The following ERBB4 variants were observed in gnomAD, a reference collection of about 807,000 sequenced individuals.
The protein encoded by ERBB4 is receptor tyrosine-protein kinase erbB-4.
A neutral mutation model predicts 158.0 loss-of-function variants in ERBB4; 42 were observed. That is an observed-to-expected ratio of 0.27 (90% CI 0.21 to 0.34). The LOEUF (loss-of-function observed/expected upper bound fraction) is 0.34, where lower values mean the gene tolerates loss of function less well. Ranked by LOEUF, ERBB4 falls within the 10% of genes least tolerant of loss-of-function variation. The pLI is 1.00. For synonymous variants in ERBB4, 583 were observed against 558.7 expected (o/e 1.04, Z -0.61); for missense variants, 1,333 against 1,624.1 (o/e 0.82, Z 3.08).
At chr2:212,029,694 A>C (rs1443948032) in intron 2 of ERBB4, among the ~76,000 whole-genome samples, 1 of 152,148 alleles carries the variant, frequency 6.6e-6, no homozygotes, top group Non-Finnish European at 1.5e-5. Flanking sequence ...TTCATCTCAT[A>C]CAGTCTTCCA....
chr2:211,565,294 A>ACGG (rs1553569627), intron 19 of ERBB4, among the ~76,000 whole-genome samples: 2 of 128,714 alleles, frequency 1.6e-5, no homozygotes, highest in Non-Finnish European at 1.6e-5. Context: ...CTGTGGGAAG[A>ACGG]TGGGACAGAG....
intron 1 of ERBB4, among the ~76,000 whole-genome samples, chr2:212,254,995 C>T (rs529046729): frequency 6.6e-5 from 10 of 152,266 alleles, no homozygotes; most frequent in South Asian, 6.2e-4. Flanking sequence ...CATTATTTCA[C>T]GGGTATAGTG....
intron 2 of ERBB4, among the ~76,000 whole-genome samples, chr2:211,998,916 A>G (rs576497947): frequency 3.3e-5 from 5 of 151,992 alleles, no homozygotes; most frequent in African/African-American, 1.2e-4. Context: ...ATTTTTCTTT[A>G]CTCAATAAGA....
chr2:211,974,440 C>T (rs920471636), intron 2 of ERBB4, among the ~76,000 whole-genome samples: 1 of 152,132 alleles, frequency 6.6e-6, no homozygotes, highest in African/African-American at 2.4e-5. Context: ...CCCTGAGCTC[C>T]TTCCTAAAAC....
chr2:211,633,816 A>G (rs2070243005), intron 16 of ERBB4, among the ~76,000 whole-genome samples: 1 of 151,808 alleles, frequency 6.6e-6, no homozygotes, highest in Non-Finnish European at 1.5e-5. Context: ...ATGTTAGTAG[A>G]AAATATTTGC....
chr2:211,572,088 C>T (rs2067744431), intron 19 of ERBB4, among the ~76,000 whole-genome samples: 1 of 152,086 alleles, frequency 6.6e-6, no homozygotes, highest in South Asian at 2.1e-4. Flanking sequence ...TAGCTCAAAT[C>T]TACATCTTTC....
At chr2:211,517,069 A>G (rs1158535188) in intron 20 of ERBB4, among the ~76,000 whole-genome samples, 2 of 152,110 alleles carry the variant, frequency 1.3e-5, no homozygotes, top group African/African-American at 2.4e-5. Flanking sequence ...GCAAATTACA[A>G]TTTCTCCACT....
intron 2 of ERBB4, among the ~76,000 whole-genome samples, chr2:211,972,066 A>G (rs2081470051): frequency 6.6e-6 from 1 of 152,216 alleles, no homozygotes; most frequent in Non-Finnish European, 1.5e-5. Flanking sequence ...GCAAAGTCTC[A>G]GGATATAAAA....
chr2:212,301,693 C>A (rs1360221999), intron 1 of ERBB4, among the ~76,000 whole-genome samples: 2 of 151,208 alleles, frequency 1.3e-5, no homozygotes, highest in African/African-American at 4.8e-5. Context: ...CTAGGCATTA[C>A]CGTTTGCACA....
chr2:211,465,579 GAC>G (rs753888459), intron 20 of ERBB4, among the ~76,000 whole-genome samples: 16 of 152,028 alleles, frequency 1.1e-4, no homozygotes, highest in Non-Finnish European at 2.1e-4. Context: ...AAGCCTAAAT[GAC>G]AGTTAGTACA....
intron 1 of ERBB4, among the ~76,000 whole-genome samples, chr2:212,197,431 C>G (rs2082460691): frequency 6.6e-6 from 1 of 152,098 alleles, no homozygotes; most frequent in Admixed American, 6.6e-5. Flanking sequence ...CCAGTTTTCT[C>G]ATTTAACCCT....
At chr2:211,610,422 G>T (rs985144443) in intron 19 of ERBB4, among the ~76,000 whole-genome samples, 2 of 152,196 alleles carry the variant, frequency 1.3e-5, no homozygotes, top group East Asian at 3.9e-4. Context: ...AACCATTGAG[G>T]TTTGACATAT....
chr2:211,665,349 G>C lies in ERBB4; in HGVS notation c.1845C>G (p.His615Gln). The change falls in exon 15 of 28, where the codon CAC (histidine) becomes CAG (glutamine). Residue 615 changes from histidine (H) to glutamine (Q), a missense_variant. Transcript: ENST00000342788. ...CTTGGGTGCAGTTTGGATGGCATGG[G>C]TGGCACTCCCGATCTGGATCAGCAT... ...FKYADPDREC[H>Q]PCHPNCTQGC... 2 of 1,614,124 alleles carry C rather than the reference G, an allele frequency of 1.2e-6. No homozygotes were observed. Among genetic ancestry groups the C allele is most frequent in the Non-Finnish European group, 1.7e-6 (2 of 1,180,022 alleles).
At chr2:212,381,078 A>G (rs2106411374) in intron 1 of ERBB4, among the ~76,000 whole-genome samples, 2 of 151,502 alleles carry the variant, frequency 1.3e-5, no homozygotes, top group Admixed American at 1.3e-4. Context: ...ATGTCTTCCC[A>G]CATCACACAA....
At chr2:212,272,816 A>C (rs2085392128) in intron 1 of ERBB4, among the ~76,000 whole-genome samples, 1 of 151,788 alleles carries the variant, frequency 6.6e-6, no homozygotes, top group Non-Finnish European at 1.5e-5. Context: ...ATATGAAATT[A>C]AGAAAAAAAT....
chr2:211,713,834 T>G (rs1328137727), intron 7 of ERBB4, among the ~76,000 whole-genome samples, 186 bp from the exon 8 acceptor site: 1 of 152,226 alleles, frequency 6.6e-6, no homozygotes, highest in African/African-American at 2.4e-5. Context: ...AAATGCAATG[T>G]GTGTTAACAA....
intron 16 of ERBB4, among the ~76,000 whole-genome samples, chr2:211,646,700 T>C (rs1008184706): frequency 1.3e-5 from 2 of 151,658 alleles, no homozygotes; most frequent in Admixed American, 6.6e-5. Context: ...ACGCAACAGG[T>C]ATTGAAATTT....
chr2:211,810,793 C>A (rs186714135), intron 3 of ERBB4, among the ~76,000 whole-genome samples: 3,049 of 151,328 alleles, frequency 0.02, 94 homozygotes, highest in African/African-American at 0.063. Context: ...CTGCCTCAGT[C>A]TCCCGAGTAG....
chr2:212,375,343 A>C (rs201755134), intron 1 of ERBB4, among the ~76,000 whole-genome samples: 1 of 152,144 alleles, frequency 6.6e-6, no homozygotes, highest in South Asian at 2.1e-4. Flanking sequence ...AGTTACATGT[A>C]TAACTAAATC....
Sources: allele counts gnomAD v4.1 joint callset (sites outside exome capture counted in the v4.1 genomes callset), GRCh38; gene constraint gnomAD v4.1.1; transcripts MANE v1.5; gene names NCBI Gene and HGNC (gene_info 2026-07-23, HGNC 2026-07-21).